Variants in R3HDM1 observed in about 807,000 individuals in gnomAD.
The protein encoded by R3HDM1 is R3H domain-containing protein 1.
R3HDM1 carries 46 observed loss-of-function variants against 141.1 expected under a neutral mutation model. The ratio of observed to expected loss-of-function variants is 0.33; its 90% CI spans 0.26 to 0.42. R3HDM1 has a LOEUF of 0.42. R3HDM1 is among the 10% of genes least tolerant of loss of function. R3HDM1 has a pLI of 1.00. For missense variants in R3HDM1, 1,184 were observed against 1,368.3 expected (o/e 0.87, Z 2.12); for synonymous variants, 435 against 472.9 (o/e 0.92, Z 1.04).
At chr2:135,616,026 ACT>A in intron 3 of R3HDM1, 124 bp from the exon 4 acceptor site, 1 of 840,428 alleles carries the variant, frequency 1.2e-6, no homozygotes. Context: ...ACTGAAACCA[ACT>A]TTGATTTCCT....
chr2:135,621,793 C>T (rs528932798), intron 6 of R3HDM1, 185 bp downstream of exon 6: 1 of 962,292 alleles, frequency 1.0e-6, no homozygotes, highest in East Asian at 1.2e-4. Flanking sequence ...ATCAGTAAGA[C>T]GTTTCAGCCA....
At position 135,565,995 on chromosome 2, in the gene R3HDM1, T is replaced by G. The variant is rs1209408769; in HGVS notation, c.-250+34362T>G. On this transcript the variant is annotated intron_variant, in intron 1 of 26. Transcript: ENST00000683871. ...ATGAGAAACCTATGGCTACTTGAGA[T>G]AATGGGAGTGCTAGAAGCAAGGAGC... 3 of 152,318 alleles carry G rather than the reference T, an allele frequency of 2.0e-5. No individual in the cohort carries two copies. In the East Asian group the frequency reaches 5.8e-4, roughly 29 times the overall value. 9.4% of individuals were successfully genotyped at this position (152,318 alleles called of 1,614,324 possible).
chr2:135,592,748 TA>T (rs1304818647), intron 1 of R3HDM1, among the ~76,000 whole-genome samples: 4 of 151,716 alleles, frequency 2.6e-5, no homozygotes, highest in Non-Finnish European at 4.4e-5. Context: ...AGTTTTTTAT[TA>T]TTTTTTTTTA....
At chr2:135,616,223 G>A in intron 4 of R3HDM1, 30 bp downstream of exon 4, 1 of 1,584,366 alleles carries the variant, frequency 6.3e-7, no homozygotes, top group Non-Finnish European at 8.7e-7. Flanking sequence ...GTGCTGGCAT[G>A]CCAAGGGCCT....
chr2:135,692,373 G>T (rs1345779219), intron 21 of R3HDM1, among the ~76,000 whole-genome samples: 1 of 152,342 alleles, frequency 6.6e-6, no homozygotes, highest in East Asian at 1.9e-4. Context: ...GCCAAGGCGG[G>T]TGGATCACCT....
intron 9 of R3HDM1, among the ~76,000 whole-genome samples, chr2:135,632,544 GT>G (rs1559298130): frequency 6.6e-6 from 1 of 152,068 alleles, no homozygotes; most frequent in Non-Finnish European, 1.5e-5. Flanking sequence ...GGAGCTTTTT[GT>G]TTTAAGAATT....
intron 1 of R3HDM1, 148 bp downstream of exon 1, chr2:135,531,781 G>C (rs1694777940): frequency 1.0e-6 from 1 of 985,696 alleles, no homozygotes; most frequent in African/African-American, 1.7e-5. Flanking sequence ...TCCCCGCCGG[G>C]TCGTCGGCGC....
intron 1 of R3HDM1, among the ~76,000 whole-genome samples, chr2:135,561,138 ACTGT>A (rs1243707735): frequency 1.3e-5 from 2 of 152,084 alleles, no homozygotes; most frequent in East Asian, 1.9e-4. Context: ...ATCTCATCTA[ACTGT>A]CTGACTCCGT....
At chr2:135,556,618 A>G (rs1700814555) in intron 1 of R3HDM1, among the ~76,000 whole-genome samples, 1 of 151,094 alleles carries the variant, frequency 6.6e-6, no homozygotes, top group Admixed American at 6.6e-5. Flanking sequence ...TCCCGGGTTC[A>G]CGCCATTCTC....
chr2:135,613,689 G>A (rs963346172), intron 3 of R3HDM1, among the ~76,000 whole-genome samples: 15 of 152,120 alleles, frequency 9.9e-5, no homozygotes, highest in South Asian at 2.1e-4. Flanking sequence ...GGTGGCAAAC[G>A]CCTGTAATCC....
chr2:135,585,828 G>A (rs924315812), intron 1 of R3HDM1, among the ~76,000 whole-genome samples: 4 of 152,120 alleles, frequency 2.6e-5, no homozygotes, highest in African/African-American at 7.2e-5. Context: ...GAATAAGCAA[G>A]CTTCTTTTAA....
chr2:135,638,768 A>C lies in R3HDM1; in HGVS notation c.971A>C (p.Gln324Pro), dbSNP rs2063506704. ...CAAGACGAGGATGCCAGTAGTACCCAGCAGAGGCGCCAGATATTTAGGTAT... is the reference window on the plus strand; with the variant it reads ...CAAGACGAGGATGCCAGTAGTACCCCGCAGAGGCGCCAGATATTTAGGTAT... ...RLQDEDASSTQQRRQIFRVNK... is the reference protein window; with the variant it reads ...RLQDEDASSTPQRRQIFRVNK... Residue 324 changes from glutamine (Q) to proline (P), a missense_variant, in exon 13 of 27, where the codon CAG becomes CCG. Gln to Pro is a moderately conservative substitution (Grantham distance 76). Transcript: ENST00000683871. The C allele has an allele frequency of 6.2e-7, 1 of 1,614,144 alleles. No individual in the cohort carries two copies. Among genetic ancestry groups the C allele is most frequent in the Non-Finnish European group, 8.5e-7 (1 of 1,180,024 alleles).
chr2:135,550,236 CAAA>C, intron 1 of R3HDM1: 1 of 982,268 alleles, frequency 1.0e-6, no homozygotes, highest in Non-Finnish European at 1.2e-6. Flanking sequence ...AAAATTAAAG[CAAA>C]GAAAGGGTAA....
chr2:135,651,954 T>C lies in R3HDM1; in HGVS notation c.1950T>C (p.Ala650=). The change falls in exon 18 of 27, where the codon GCT becomes GCC. Residue 650 remains alanine (A), a synonymous_variant. Coordinates refer to ENST00000683871, the MANE Select transcript of R3HDM1 (RefSeq NM_001378107.1). ...CACCTGGGCAGCCAGTCCCTACTGC[T>C]GGATATCCTGCCTCTGGTCATCCTG... The part of the protein sequence containing the change: ...PLPPGQPVPT[A]GYPASGHPVS... 2 of 1,613,438 alleles carry C rather than the reference T, an allele frequency of 1.2e-6. No homozygotes were observed. Among genetic ancestry groups the C allele is most frequent in the Non-Finnish European group, 1.7e-6 (2 of 1,179,664 alleles).
chr2:135,632,148 CA>C (rs1366275930), intron 9 of R3HDM1, 147 bp downstream of exon 9: 39 of 687,810 alleles, frequency 5.7e-5, no homozygotes, highest in Non-Finnish European at 7.6e-5. Flanking sequence ...CTGAAAAACA[CA>C]TTTAGTTTAC....
intron 21 of R3HDM1, among the ~76,000 whole-genome samples, chr2:135,705,283 C>T (rs2074757035): frequency 6.6e-6 from 1 of 152,178 alleles, no homozygotes; most frequent in Admixed American, 6.5e-5. Context: ...GATGAAAGAG[C>T]TGAAGTTCAA....
At chr2:135,676,338 G>T (rs562480080) in intron 20 of R3HDM1, among the ~76,000 whole-genome samples, 2 of 152,064 alleles carry the variant, frequency 1.3e-5, no homozygotes, top group Admixed American at 6.6e-5. Context: ...AAATGTTACA[G>T]ATTTTAATTT....
At chr2:135,645,351 T>G in intron 15 of R3HDM1, 28 bp from the exon 16 acceptor site, 1 of 1,559,940 alleles carries the variant, frequency 6.4e-7, no homozygotes, top group South Asian at 1.2e-5. Context: ...TTCTAAGTTA[T>G]TTTTTTCCCT....
At chr2:135,590,536 A>G in intron 1 of R3HDM1, 1 of 984,970 alleles carries the variant, frequency 1.0e-6, no homozygotes, top group Non-Finnish European at 1.2e-6. Context: ...AAGCCACAAA[A>G]AAATAAAATC....
Sources: allele counts gnomAD v4.1 joint callset (sites outside exome capture counted in the v4.1 genomes callset), GRCh38; gene constraint gnomAD v4.1.1; transcripts MANE v1.5; gene names NCBI Gene and HGNC (gene_info 2026-07-23, HGNC 2026-07-21).